The following SPAST variants were observed in gnomAD, a reference collection of about 807,000 sequenced individuals.
The protein encoded by SPAST is spastin, also known as spastic paraplegia 4 (autosomal dominant; spastin).
Under a neutral mutation model 76.6 loss-of-function variants are expected in SPAST, and 30 were observed. The ratio of observed to expected loss-of-function variants is 0.39; its 90% CI spans 0.29 to 0.53. The LOEUF (loss-of-function observed/expected upper bound fraction) is 0.53, where lower values mean the gene tolerates loss of function less well. Ranked by LOEUF, SPAST falls within the 20% of genes least tolerant of loss-of-function variation. The pLI is 0.68. For synonymous variants in SPAST, 305 were observed against 281.0 expected (o/e 1.09, Z -0.86); for missense variants, 717 against 770.5 (o/e 0.93, Z 0.82).
chr2:32,107,607 A>T (rs1678375538), intron 4 of SPAST, among the ~76,000 whole-genome samples: 1 of 152,144 alleles, frequency 6.6e-6, no homozygotes, highest in African/African-American at 2.4e-5. Flanking sequence ...ATACTGGAGT[A>T]TTTTGCATTT....
intron 3 of SPAST, among the ~76,000 whole-genome samples, chr2:32,093,997 C>T (rs1477846480): frequency 6.6e-6 from 1 of 152,110 alleles, no homozygotes; most frequent in East Asian, 1.9e-4. Flanking sequence ...CCTCTCAAAC[C>T]AGTCAGTATT....
chr2:32,128,562 T>A, intron 9 of SPAST, 83 bp downstream of exon 9: 1 of 909,824 alleles, frequency 1.1e-6, no homozygotes, highest in Non-Finnish European at 1.8e-6. Context: ...TAATATTTCA[T>A]GAAAATATTT....
At chr2:32,078,629 G>A (rs1008359995) in intron 1 of SPAST, among the ~76,000 whole-genome samples, 1 of 152,182 alleles carries the variant, frequency 6.6e-6, no homozygotes, top group Non-Finnish European at 1.5e-5. Context: ...CAGCTTGGGT[G>A]ACAGAGTGAG....
chr2:32,070,384 A>G lies in SPAST; in HGVS notation c.415+6138A>G, dbSNP rs375565924. Among the ~76,000 whole-genome samples, 39 of 152,204 alleles carry G rather than the reference A, an allele frequency of 2.6e-4. 1 individual carries two copies. In the East Asian group the frequency reaches 4.6e-3, roughly 18 times the overall value. On this transcript the variant is annotated intron_variant, in intron 1 of 16. Coordinates refer to ENST00000315285, the MANE Select transcript of SPAST (RefSeq NM_014946.4). Reference sequence around the variant, plus strand: ...CACCCAACCCATACTCAAATTTGACACTGAATTTTCATAAAGGCCTTAATT... The same window carrying G: ...CACCCAACCCATACTCAAATTTGACGCTGAATTTTCATAAAGGCCTTAATT...
At chr2:32,147,505 G>A (rs996653212) in intron 16 of SPAST, among the ~76,000 whole-genome samples, 1 of 151,652 alleles carries the variant, frequency 6.6e-6, no homozygotes, top group Admixed American at 6.6e-5. Flanking sequence ...TTAGTAGAGA[G>A]GGCATTTCAC....
intron 1 of SPAST, among the ~76,000 whole-genome samples, chr2:32,085,935 G>C (rs1408424481): frequency 2.0e-5 from 3 of 151,862 alleles, no homozygotes; most frequent in Non-Finnish European, 4.4e-5. Context: ...CCAGCTACTC[G>C]GGAGGCTGAG....
At chr2:32,093,830 T>C (rs1306980714) in intron 3 of SPAST, among the ~76,000 whole-genome samples, 1 of 151,922 alleles carries the variant, frequency 6.6e-6, no homozygotes, top group Non-Finnish European at 1.5e-5. Flanking sequence ...TATATATATA[T>C]ATATAACAGC....
rs374569806 is a variant in SPAST, at chr2:32,098,874, A to G, written c.665A>G (p.Asn222Ser). The change falls in exon 4 of 17, where the codon AAT (asparagine) becomes AGT (serine). Residue 222 changes from asparagine (N) to serine (S), a missense_variant. Around this residue, in one of 3 missense-constraint regions of SPAST, gnomAD observed 543 missense variants for 445.2 expected, o/e 1.22. Coordinates refer to ENST00000315285, the MANE Select transcript of SPAST (RefSeq NM_014946.4). ...YNDSTNLACR[N>S]GHLQSESGAV... ...GACAGTACTAACTTGGCATGCCGCAATGGACATCTCCAGTCAGGTGGGTTT... is the reference window on the plus strand; with the variant it reads ...GACAGTACTAACTTGGCATGCCGCAGTGGACATCTCCAGTCAGGTGGGTTT... 15 of 1,613,152 alleles carry G rather than the reference A, an allele frequency of 9.3e-6. No homozygotes were observed. Among genetic ancestry groups the G allele is most frequent in the Admixed American group, 1.7e-5 (1 of 60,012 alleles).
intron 1 of SPAST, among the ~76,000 whole-genome samples, chr2:32,069,217 A>G (rs1015248377): frequency 1.3e-5 from 2 of 149,354 alleles, no homozygotes; most frequent in Non-Finnish European, 3.0e-5. Flanking sequence ...CATCTCTCAA[A>G]AAAAAAAAAA....
At chr2:32,109,808 A>G (rs1678464892) in intron 4 of SPAST, among the ~76,000 whole-genome samples, 2 of 148,458 alleles carry the variant, frequency 1.3e-5, no homozygotes, top group East Asian at 2.0e-4. Flanking sequence ...ACATATGTAT[A>G]CACACATACA....
chr2:32,075,425 C>CAAA (rs70938315), intron 1 of SPAST, among the ~76,000 whole-genome samples: 4 of 65,618 alleles, frequency 6.1e-5, no homozygotes, highest in Non-Finnish European at 8.1e-5. Context: ...GACTCTGTCT[C>CAAA]AAAAAAAAAA....
chr2:32,067,040 T>A (rs1676548709), intron 1 of SPAST, among the ~76,000 whole-genome samples: 2 of 147,630 alleles, frequency 1.4e-5, no homozygotes, highest in African/African-American at 2.5e-5. Context: ...GAAGAGAAAG[T>A]CAGAACATGC....
chr2:32,124,437 G>GA (rs1679125175), intron 7 of SPAST, among the ~76,000 whole-genome samples: 1 of 152,148 alleles, frequency 6.6e-6, no homozygotes, highest in Non-Finnish European at 1.5e-5. Flanking sequence ...TAAAATGGTA[G>GA]AACCATTTTG....
intron 16 of SPAST, among the ~76,000 whole-genome samples, chr2:32,149,025 C>T (rs552904160): frequency 6.6e-6 from 1 of 151,746 alleles, no homozygotes; most frequent in South Asian, 2.1e-4. Context: ...ATAAAAATAA[C>T]CTATAACTAT....
chr2:32,068,017 C>T (rs1360577861), intron 1 of SPAST, among the ~76,000 whole-genome samples: 10 of 146,864 alleles, frequency 6.8e-5, no homozygotes, highest in Admixed American at 1.4e-4. Context: ...CTCGCTTTGT[C>T]GCCCAGGCTA....
At chr2:32,071,369 C>T (rs1676744006) in intron 1 of SPAST, among the ~76,000 whole-genome samples, 1 of 152,130 alleles carries the variant, frequency 6.6e-6, no homozygotes, top group Non-Finnish European at 1.5e-5. Flanking sequence ...CAGAAATTGT[C>T]TAAGTAAAAT....
At position 32,149,256 on chromosome 2, in the gene SPAST, A is replaced by ATTTTTTTT. The variant is rs59020104; in HGVS notation, c.1728+2005_1728+2012dup. On this transcript the variant is annotated intron_variant, in intron 16 of 16. Coordinates refer to ENST00000315285, the MANE Select transcript of SPAST (RefSeq NM_014946.4). ...AGGCATGGGCCACCACGCCCAGCTA[A>ATTTTTTTT]TTTTTTTTTTTTTTGTATTTTTAGT... is the stretch of plus-strand genomic sequence containing the variant. Among the ~76,000 whole-genome samples, 9 of 123,574 alleles carry ATTTTTTTT rather than the reference A, an allele frequency of 7.3e-5. 1 individual carries two copies. Among genetic ancestry groups the ATTTTTTTT allele is most frequent in the South Asian group, 5.4e-4 (2 of 3,722 alleles). The allele number at this position is 123,574 out of a possible 152,430, so 81.1% of individuals were successfully genotyped here.
Position 32,128,433 on chromosome 2 carries a change from A to T in SPAST, c.1199A>T (p.Asn400Ile), listed in dbSNP as rs539763871. The change falls in exon 9 of 17, where the codon AAT becomes ATT. Residue 400 changes from asparagine (N) to isoleucine (I), a missense_variant. By Grantham distance (149) the Asn-to-Ile change is moderately radical. Coordinates refer to ENST00000315285, the MANE Select transcript of SPAST (RefSeq NM_014946.4). ...GCTAAAGCAGTAGCTGCAGAATCGA[A>T]TGCAACCTTCTTTAATATAAGTGCT... is the stretch of plus-strand genomic sequence containing the variant. ...MLAKAVAAES[N>I]ATFFNISAAS... 1.2e-6 allele frequency: 2 copies of T among 1,612,780 alleles called. No individual in the cohort carries two copies. The highest frequency in any genetic ancestry group is 2.7e-5 in the African/African-American group (2 of 75,038).
chr2:32,083,767 TATATA>T lies in SPAST; in HGVS notation c.416-3724_416-3720del, dbSNP rs1297878161. 4.9e-4 allele frequency among the ~76,000 whole-genome samples: 48 copies of T among 98,596 alleles called. 2 individuals are homozygous for T. Among genetic ancestry groups the T allele is most frequent in the East Asian group, 3.4e-3 (11 of 3,208 alleles). 64.7% of individuals were successfully genotyped at this position (98,596 alleles called of 152,430 possible). On this transcript the variant is annotated intron_variant, in intron 1 of 16. Transcript: ENST00000315285. ...TATATATACTATATATATATATATA[TATATA>T]TATATTTTTTTTTTTTTTTGAGATG... is the stretch of plus-strand genomic sequence containing the variant.
Sources: allele counts gnomAD v4.1 joint callset (sites outside exome capture counted in the v4.1 genomes callset), GRCh38; gene constraint gnomAD v4.1.1; regional missense constraint gnomAD v4.1.1; transcripts MANE v1.5; gene names NCBI Gene and HGNC (gene_info 2026-07-23, HGNC 2026-07-21).